NR3C2: variants seen among roughly 807,000 people sequenced by gnomAD.
The protein encoded by NR3C2 is mineralocorticoid receptor.
In NR3C2, 15 loss-of-function variants were observed where a neutral mutation model predicts 86.4. The ratio of observed to expected loss-of-function variants is 0.17; its 90% CI spans 0.12 to 0.27. The LOEUF is 0.27. Among genes scored for constraint, NR3C2 ranks in the 10% least tolerant of loss-of-function variants. NR3C2 has a pLI of 1.00. For missense variants in NR3C2, 960 were observed against 1,195.6 expected, an observed-to-expected ratio of 0.80 and a Z score of 2.91; for synonymous variants, 458 against 450.5, an observed-to-expected ratio of 1.02 and a Z score of -0.21.
At chr4:148,316,107 T>A (rs1743158062) in intron 2 of NR3C2, among the ~76,000 whole-genome samples, 1 of 152,168 alleles carries the variant, frequency 6.6e-6, no homozygotes, top group South Asian at 2.1e-4. Flanking sequence ...TTTCAATTAA[T>A]ACAATTTTTT....
At chr4:148,298,771 A>G (rs1016489406) in intron 2 of NR3C2, among the ~76,000 whole-genome samples, 8 of 152,244 alleles carry the variant, frequency 5.3e-5, no homozygotes, top group Admixed American at 5.2e-4. Context: ...GAAATTACAA[A>G]TGCTATTTCA....
At chr4:148,341,558 AATAAAT>A (rs1744750989) in intron 2 of NR3C2, among the ~76,000 whole-genome samples, 1 of 152,116 alleles carries the variant, frequency 6.6e-6, no homozygotes, top group Admixed American at 6.6e-5. Flanking sequence ...GGGCAACTAT[AATAAAT>A]ATAATTTGTT....
intron 3 of NR3C2, among the ~76,000 whole-genome samples, chr4:148,258,779 T>C (rs2149870225): frequency 6.6e-6 from 1 of 152,350 alleles, no homozygotes; most frequent in African/African-American, 2.4e-5. Flanking sequence ...ATGGCTTGCC[T>C]GAAGCCAAGC....
At chr4:148,191,366 G>C (rs975381293) in intron 4 of NR3C2, among the ~76,000 whole-genome samples, 1 of 152,170 alleles carries the variant, frequency 6.6e-6, no homozygotes, top group African/African-American at 2.4e-5. Context: ...TAATCTGATA[G>C]GTTTTCCTTT....
chr4:148,435,834 A>AG lies in NR3C2; in HGVS notation c.1026dup (p.Tyr343LeufsTer34). On this transcript the variant is annotated frameshift_variant, in exon 2 of 9. Coordinates refer to ENST00000358102, the MANE Select transcript of NR3C2 (RefSeq NM_000901.5). ...CCAGCAGAGGTGCCAGAAGCAGTGT[A>AG]GCTGAAGGCATTGTTTACAGGGCTA... 1 of 1,614,228 alleles carries AG rather than the reference A, an allele frequency of 6.2e-7. No homozygotes were observed. The highest frequency in any genetic ancestry group is 8.5e-7 in the Non-Finnish European group (1 of 1,180,054).
At chr4:148,283,877 A>G (rs766322515) in intron 2 of NR3C2, among the ~76,000 whole-genome samples, 1 of 152,206 alleles carries the variant, frequency 6.6e-6, no homozygotes, top group African/African-American at 2.4e-5. Context: ...TCAAAAGGAC[A>G]TGAACTCTTT....
chr4:148,151,502 A>C (rs1202444199), intron 6 of NR3C2, among the ~76,000 whole-genome samples: 2 of 152,172 alleles, frequency 1.3e-5, no homozygotes, highest in African/African-American at 4.8e-5. Flanking sequence ...CCAACAACTG[A>C]TGTTTCTAAT....
intron 2 of NR3C2, among the ~76,000 whole-genome samples, chr4:148,333,460 G>C (rs1413685898): frequency 6.6e-6 from 1 of 151,926 alleles, no homozygotes; most frequent in Non-Finnish European, 1.5e-5. Flanking sequence ...TTTGTAGCTA[G>C]ATATAACCAT....
At chr4:148,364,161 A>G (rs1257635149) in intron 2 of NR3C2, among the ~76,000 whole-genome samples, 1 of 152,186 alleles carries the variant, frequency 6.6e-6, no homozygotes, top group Non-Finnish European at 1.5e-5. Context: ...GTAAAACACC[A>G]TACATAGTGC....
chr4:148,102,486 T>C lies in NR3C2; in HGVS notation c.2799+11618A>G, dbSNP rs568288905. Reference sequence around the variant, plus strand: ...CCCTGAGCCCCCTCCTCTGGGCAGGTGCTACCTTGCCCAGCTATCTACTTC... The same window carrying C: ...CCCTGAGCCCCCTCCTCTGGGCAGGCGCTACCTTGCCCAGCTATCTACTTC... On this transcript the variant is annotated intron_variant, in intron 8 of 8. Transcript: ENST00000358102. Among the ~76,000 whole-genome samples, 7 of 152,232 alleles carry C rather than the reference T, an allele frequency of 4.6e-5. No individual in the cohort carries two copies. In the South Asian group the frequency reaches 1.5e-3, roughly 32 times the overall value.
At chr4:148,274,712 T>C (rs1319566016) in intron 2 of NR3C2, among the ~76,000 whole-genome samples, 1 of 147,832 alleles carries the variant, frequency 6.8e-6, no homozygotes, top group Non-Finnish European at 1.5e-5. Flanking sequence ...TTTCTTTTTT[T>C]TTTTTTTTTT....
At chr4:148,344,157 C>T (rs548802431) in intron 2 of NR3C2, among the ~76,000 whole-genome samples, 12 of 152,218 alleles carry the variant, frequency 7.9e-5, no homozygotes, top group Admixed American at 5.9e-4. Context: ...CTTCTACCCA[C>T]TTTCTCTCTA....
chr4:148,252,675 T>C (rs1393823452), intron 3 of NR3C2, among the ~76,000 whole-genome samples: 1 of 152,356 alleles, frequency 6.6e-6, no homozygotes, highest in East Asian at 1.9e-4. Context: ...TGACTGTTCA[T>C]TGGCTTTGGG....
At chr4:148,317,758 C>A (rs1195851741) in intron 2 of NR3C2, among the ~76,000 whole-genome samples, 3 of 106,168 alleles carry the variant, frequency 2.8e-5, no homozygotes, top group African/African-American at 4.0e-5. Flanking sequence ...CCTAATAGAT[C>A]TGCAGAAAAA....
chr4:148,335,337 G>A (rs1031546195), intron 2 of NR3C2, among the ~76,000 whole-genome samples: 2 of 152,196 alleles, frequency 1.3e-5, no homozygotes, highest in Non-Finnish European at 2.9e-5. Context: ...AACTTACAAA[G>A]TAGATGATTG....
At chr4:148,363,506 C>CTTTTTTT (rs58978966) in intron 2 of NR3C2, among the ~76,000 whole-genome samples, 11,058 of 110,438 alleles carry the variant, frequency 0.1, 1,875 homozygotes, top group African/African-American at 0.2. Flanking sequence ...TCATAGATCT[C>CTTTTTTT]TTTTTTTTTT....
At chr4:148,151,534 C>G (rs916018105) in intron 6 of NR3C2, among the ~76,000 whole-genome samples, 3 of 152,176 alleles carry the variant, frequency 2.0e-5, no homozygotes, top group Non-Finnish European at 4.4e-5. Flanking sequence ...ATAAAATTGT[C>G]TTTGCAGTAC....
intron 2 of NR3C2, chr4:148,368,555 T>A (rs1470057493): frequency 2.6e-5 from 4 of 152,184 alleles, no homozygotes; most frequent in African/African-American, 9.7e-5. Flanking sequence ...TACTTTCATA[T>A]ATACAATCTT....
At chr4:148,293,552 C>G (rs1250434782) in intron 2 of NR3C2, among the ~76,000 whole-genome samples, 2 of 152,192 alleles carry the variant, frequency 1.3e-5, no homozygotes. Flanking sequence ...AATATGTATA[C>G]TCCTAAAATA....
Sources: gnomAD v4.1 joint callset for allele counts (sites outside exome capture counted in the v4.1 genomes callset) on GRCh38, gnomAD v4.1.1 for gene constraint, MANE v1.5 for transcripts, NCBI Gene and HGNC (gene_info 2026-07-23, HGNC 2026-07-21) for gene names.